The following HNRNPU variants were observed in gnomAD, a reference collection of about 807,000 sequenced individuals.
The protein encoded by HNRNPU is HNRNPU antisense RNA 1.
Under a neutral mutation model 94.7 loss-of-function variants are expected in HNRNPU, and 5 were observed. That is an observed-to-expected ratio of 0.05 (90% CI 0.03 to 0.11). The LOEUF (loss-of-function observed/expected upper bound fraction) is 0.11. Among genes scored for constraint, HNRNPU ranks in the 10% least tolerant of loss-of-function variants. The probability of loss-of-function intolerance (pLI) is 1.00; values close to 1 mark genes in which losing one functional copy is unlikely to be tolerated. For missense variants in HNRNPU, 710 were observed against 1,049.2 expected, an observed-to-expected ratio of 0.68 and a Z score of 4.47; for synonymous variants, 434 against 381.6, an observed-to-expected ratio of 1.14 and a Z score of -1.60.
In HNRNPU at chr1:244,851,558, A is replaced by G. The variant is rs548144884; in HGVS notation, c.*2892T>C. 1 of 152,346 alleles carries G rather than the reference A, an allele frequency of 6.6e-6. No homozygotes were observed. Among genetic ancestry groups the G allele is most frequent in the South Asian group, 2.1e-4 (1 of 4,832 alleles). The allele number at this position is 152,346 out of a possible 1,614,324, so 9.4% of individuals were successfully genotyped here. A position where few individuals can be genotyped will look rare whatever the true frequency, so the allele number is the denominator to read the frequency against. On this transcript the variant is annotated 3_prime_UTR_variant, in exon 14 of 14. Coordinates refer to ENST00000640218, the MANE Select transcript of HNRNPU (RefSeq NM_031844.3). The stretch of plus-strand genomic sequence containing the variant: ...TAGAATAATTTTATAACTTTTTCAG[A>G]GAATTCCTTTAAACTTGTTAAAATA...
rs376987913 is a variant in HNRNPU at position 244,863,777 on chromosome 1, G to T, written c.531C>A (p.Arg177=). The change falls in exon 1 of 14, where the codon CGC becomes CGA. Residue 177 remains arginine (R), a synonymous_variant. Transcript: ENST00000640218. ...TCCCCGCGGCCTCCTTGGCGGCCCCGCGCTGCTGTTGGGGCTGTTGCTGCT... is the reference window on the plus strand; with the variant it reads ...TCCCCGCGGCCTCCTTGGCGGCCCCTCGCTGCTGTTGGGGCTGTTGCTGCT... ...ATQQQQPQQQ[R]GAAKEAAGKS... 7.5e-6 allele frequency: 12 copies of T among 1,595,848 alleles called. No homozygotes were observed. The African/African-American group carries it at 1.6e-4, about 22-fold the overall frequency.
In HNRNPU at chr1:244,864,119, G is replaced by C; in HGVS notation, c.189C>G (p.Gly63=). ...MEPGNGSLDL[G]GDSAGRSGAG... Reference sequence around the variant, plus strand: ...CTCCCGAGCGCCCAGCGGAATCCCCGCCCAGGTCTAGGCTGCCGTTCCCGG... The same window carrying C: ...CTCCCGAGCGCCCAGCGGAATCCCCCCCCAGGTCTAGGCTGCCGTTCCCGG... The change falls in exon 1 of 14, where the codon GGC becomes GGG. Residue 63 remains glycine (G), a synonymous_variant. Coordinates refer to ENST00000640218, the MANE Select transcript of HNRNPU (RefSeq NM_031844.3). 6.3e-7 allele frequency: 1 copy of C among 1,597,714 alleles called. No homozygotes were observed. Among genetic ancestry groups the C allele is most frequent in the African/African-American group, 1.3e-5 (1 of 74,636 alleles).
chr1:244,854,355 T>C lies in HNRNPU; in HGVS notation c.*95A>G, dbSNP rs1680622143. ...AAAGGAACCCGCAGGCACTTCCTCT[T>C]GTGGAATGTTTAAAAAGTTAGCCTA... On this transcript the variant is annotated 3_prime_UTR_variant, in exon 14 of 14. Coordinates refer to ENST00000640218, the MANE Select transcript of HNRNPU (RefSeq NM_031844.3). 4 of 848,722 alleles carry C rather than the reference T, an allele frequency of 4.7e-6. No homozygotes were observed. The highest frequency in any genetic ancestry group is 8.0e-6 in the Non-Finnish European group (4 of 498,966). The allele number at this position is 848,722 out of a possible 1,614,324, so 52.6% of individuals were successfully genotyped here.
chr1:244,857,766 A>G, intron 7 of HNRNPU, 49 bp from the exon 8 acceptor site: 1 of 1,582,308 alleles, frequency 6.3e-7, no homozygotes, highest in African/African-American at 1.4e-5. Flanking sequence ...GACACCACCT[A>G]ATAATTCTTT....
Position 244,862,376 on chromosome 1 carries a change from A to G in HNRNPU, c.877+85T>C, listed in dbSNP as rs1373683309. On this transcript the variant is annotated intron_variant, in intron 3 of 13. Coordinates refer to ENST00000640218, the MANE Select transcript of HNRNPU (RefSeq NM_031844.3). ...AAAAAACTAACCCAAGTTTTGCTGCACTTAAGCATTAAGACTTCTAAAAAA... is the reference window on the plus strand; with the variant it reads ...AAAAAACTAACCCAAGTTTTGCTGCGCTTAAGCATTAAGACTTCTAAAAAA... 8 of 926,468 alleles carry G rather than the reference A, an allele frequency of 8.6e-6. No individual in the cohort carries two copies. The African/African-American group carries it at 1.3e-4, about 15-fold the overall frequency. 57.4% of individuals were successfully genotyped at this position (926,468 alleles called of 1,614,324 possible).
At position 244,858,712 on chromosome 1, in the gene HNRNPU, A is replaced by C. The variant is rs2102987081; in HGVS notation, c.1230+17T>G. 1 of 1,356,158 alleles carries C rather than the reference A, an allele frequency of 7.4e-7. No homozygotes were observed. The highest frequency in any genetic ancestry group is 1.1e-6 in the Non-Finnish European group (1 of 948,280). The allele number at this position is 1,356,158 out of a possible 1,614,324, so 84.0% of individuals were successfully genotyped here. A position where few individuals can be genotyped will look rare whatever the true frequency, so the allele number is the denominator to read the frequency against. On this transcript the variant is annotated intron_variant, in intron 6 of 13. Transcript: ENST00000640218. ...CTAACTTTGCCATTTATACATAGAA[A>C]GTTAGCTTTAACTTACAGCAAAACA...
intron 11 of HNRNPU, 64 bp downstream of exon 11, chr1:244,855,840 A>T: frequency 1.3e-6 from 2 of 1,570,026 alleles, no homozygotes; most frequent in Non-Finnish European, 1.7e-6. Context: ...AGCTACATCC[A>T]AACTATAAAA....
At chr1:244,862,852 C>T in intron 1 of HNRNPU, 122 bp from the exon 2 acceptor site, 3 of 729,874 alleles carry the variant, frequency 4.1e-6, no homozygotes, top group Non-Finnish European at 7.4e-6. Context: ...TAACCGAGGA[C>T]TCAAATGTGA....
At chr1:244,856,679 C>A (rs920517004) in intron 9 of HNRNPU, 49 bp downstream of exon 9, 1 of 1,606,440 alleles carries the variant, frequency 6.2e-7, no homozygotes, top group Non-Finnish European at 8.5e-7. Context: ...CTACACCAAT[C>A]TATCTAAATT....
Position 244,855,965 on chromosome 1 carries a change from T to A in HNRNPU, c.2106A>T (p.Arg702Ser). Residue 702 changes from arginine to serine, a missense_variant, in exon 11 of 14, where the codon AGA becomes AGT. Transcript: ENST00000640218. The part of the protein sequence containing the change: ...KNKSGKNQFN[R>S]GGGHRGRGGF... ...CTCCACGTCCTCTATGGCCACCACC[T>A]CTGTTAAACTGGTTCTTGCCACTCT... 1 of 1,614,112 alleles carries A rather than the reference T, an allele frequency of 6.2e-7. No individual in the cohort carries two copies. Among genetic ancestry groups the A allele is most frequent in the Non-Finnish European group, 8.5e-7 (1 of 1,179,982 alleles).
chr1:244,857,074 A>C, intron 8 of HNRNPU: 1 of 407,930 alleles, frequency 2.5e-6, no homozygotes, highest in South Asian at 4.7e-5. Flanking sequence ...AGAGCTCAAA[A>C]ACACTACGGA....
rs781670944 is a variant in HNRNPU at position 244,863,778 on chromosome 1, C to T, written c.530G>A (p.Arg177His). The change falls in exon 1 of 14, where the codon CGC becomes CAC. Residue 177 changes from arginine to histidine, a missense_variant. Physicochemically the swap from Arg to His is conservative, Grantham distance 29 (BLOSUM62 0). This residue lies in a region of HNRNPU where 292 missense variants were observed against 293.4 expected (regional missense o/e 1.00). Transcript: ENST00000640218. ...ATQQQQPQQQ[R>H]GAAKEAAGKS... Reference sequence around the variant, plus strand: ...CCCCGCGGCCTCCTTGGCGGCCCCGCGCTGCTGTTGGGGCTGTTGCTGCTG... The same window carrying T: ...CCCCGCGGCCTCCTTGGCGGCCCCGTGCTGCTGTTGGGGCTGTTGCTGCTG... The T allele has an allele frequency of 6.3e-7, 1 of 1,598,412 alleles. No individual in the cohort carries two copies. The highest frequency in any genetic ancestry group is 1.1e-5 in the South Asian group (1 of 89,246).
rs1310317475 is a variant in HNRNPU at position 244,857,522 on chromosome 1, C to A, written c.1614+76G>T. 1.5e-5 allele frequency: 21 copies of A among 1,429,430 alleles called. No individual in the cohort carries two copies. The South Asian group carries it at 2.4e-4, about 17-fold the overall frequency. 88.5% of individuals were successfully genotyped at this position (1,429,430 alleles called of 1,614,324 possible). On this transcript the variant is annotated intron_variant, in intron 8 of 13. Transcript: ENST00000640218. ...TCAGCCTCTCAAAATGCTGAGATTA[C>A]AGGCGTGAACCACCATGCCCAGCCT...
rs1680620032 is a variant in HNRNPU at position 244,854,250 on chromosome 1, CTCT to C, written c.*197_*199del. On this transcript the variant is annotated 3_prime_UTR_variant, in exon 14 of 14. Transcript: ENST00000640218. Reference sequence around the variant, plus strand: ...TCTTATCGTGCACAATGCTGAGGTTCTCTTACGATTCACTTTTAAACTGCAATT... The same window carrying C: ...TCTTATCGTGCACAATGCTGAGGTTCTACGATTCACTTTTAAACTGCAATT... 7.1e-6 allele frequency: 4 copies of C among 564,348 alleles called. No individual in the cohort carries two copies. Among genetic ancestry groups the C allele is most frequent in the Admixed American group, 7.0e-5 (2 of 28,730 alleles). 35.0% of individuals were successfully genotyped at this position (564,348 alleles called of 1,614,324 possible).
At position 244,864,292 on chromosome 1, in the gene HNRNPU, C is replaced by T. The variant is rs770805349; in HGVS notation, c.16G>A (p.Val6Ile). ...GACACCTTCAGCTTTTTTACATTAA[C>T]AGGCGAGGAACTCATGGTGAGGGCC... Reference protein sequence around the residue: MSSSPVNVKKLKVSEL... With the variant: MSSSPINVKKLKVSEL... Residue 6 changes from valine to isoleucine, a missense_variant, in exon 1 of 14, where the codon GTT (valine) becomes ATT (isoleucine). Physicochemically the swap from Val to Ile is conservative, Grantham distance 29. Around this residue, in one of 8 missense-constraint regions of HNRNPU, gnomAD observed 19 missense variants for 47.7 expected, o/e 0.40. Coordinates refer to ENST00000640218, the MANE Select transcript of HNRNPU (RefSeq NM_031844.3). 3.1e-6 allele frequency: 5 copies of T among 1,613,022 alleles called. No individual in the cohort carries two copies. Among genetic ancestry groups the T allele is most frequent in the Non-Finnish European group, 3.4e-6 (4 of 1,179,734 alleles).
At chr1:244,862,839 T>C (rs1322813513) in intron 1 of HNRNPU, 109 bp from the exon 2 acceptor site, 1 of 773,502 alleles carries the variant, frequency 1.3e-6, no homozygotes, top group Non-Finnish European at 2.3e-6. Context: ...TTAACTGAGG[T>C]TTTAACCGAG....
Position 244,864,431 on chromosome 1 carries a change from G to C in HNRNPU, c.-124C>G. On this transcript the variant is annotated 5_prime_UTR_variant, in exon 1 of 14. Coordinates refer to ENST00000640218, the MANE Select transcript of HNRNPU (RefSeq NM_031844.3). Reference sequence around the variant, plus strand: ...GCGGCTGCGGCTGCGGCTGGAGATGGGTTCGTGCTGCAGAGCGGATCCGCC... The same window carrying C: ...GCGGCTGCGGCTGCGGCTGGAGATGCGTTCGTGCTGCAGAGCGGATCCGCC... 1 of 1,508,028 alleles carries C rather than the reference G, an allele frequency of 6.6e-7. No individual in the cohort carries two copies. Among genetic ancestry groups the C allele is most frequent in the Admixed American group, 2.3e-5 (1 of 43,166 alleles). 93.4% of individuals were successfully genotyped at this position (1,508,028 alleles called of 1,614,324 possible). A position where few individuals can be genotyped will look rare whatever the true frequency, so the allele number is the denominator to read the frequency against.
intron 3 of HNRNPU, chr1:244,861,744 A>C (rs1270976194): frequency 0.04 from 144 of 3,578 alleles, no homozygotes; most frequent in East Asian, 0.25. Flanking sequence ...TTTTGTAACA[A>C]AAAAAAAAAA....
At chr1:244,858,705 C>T (rs200749940) in intron 6 of HNRNPU, 24 bp downstream of exon 6, 3 of 1,268,378 alleles carry the variant, frequency 2.4e-6, no homozygotes, top group Non-Finnish European at 3.5e-6. Flanking sequence ...GCCATTTATA[C>T]ATAGAAAGTT....
Sources: gnomAD v4.1 joint callset for allele counts on GRCh38, gnomAD v4.1.1 for gene constraint, gnomAD v4.1.1 regional missense constraint, MANE v1.5 for transcripts, NCBI Gene and HGNC (gene_info 2026-07-23, HGNC 2026-07-21) for gene names.